PDE4D: variants seen among roughly 807,000 people sequenced by gnomAD.
The protein encoded by PDE4D is phosphodiesterase 4D, also known as 3',5'-cyclic-AMP phosphodiesterase 4D.
In PDE4D, 24 loss-of-function variants were observed where a neutral mutation model predicts 87.4. That is an observed-to-expected ratio of 0.27 (90% CI 0.20 to 0.39). PDE4D has a LOEUF of 0.39. Among genes scored for constraint, PDE4D ranks in the 10% least tolerant of loss-of-function variants. The pLI is 1.00. For synonymous variants in PDE4D, 384 were observed against 383.2 expected (o/e 1.00, Z -0.02); for missense variants, 714 against 1,041.0 (o/e 0.69, Z 4.32).
intron 3 of PDE4D, among the ~76,000 whole-genome samples, chr5:59,911,885 C>A (rs1277705974): frequency 6.6e-6 from 1 of 151,936 alleles, no homozygotes; most frequent in Non-Finnish European, 1.5e-5. Flanking sequence ...TTTCTATGAC[C>A]AAAACATAGG....
chr5:60,069,355 T>G (rs1364055807), intron 2 of PDE4D, among the ~76,000 whole-genome samples: 1 of 152,164 alleles, frequency 6.6e-6, no homozygotes, highest in Admixed American at 6.5e-5. Flanking sequence ...AGGCACTAAC[T>G]ATGAGGAAGC....
chr5:59,224,027 T>C (rs1753132708), intron 1 of PDE4D, among the ~76,000 whole-genome samples: 1 of 150,058 alleles, frequency 6.7e-6, no homozygotes, highest in South Asian at 2.1e-4. Context: ...GGCTCACACT[T>C]GTAATCCCAG....
At chr5:59,074,188 T>A (rs979636147) in intron 5 of PDE4D, among the ~76,000 whole-genome samples, 3 of 152,154 alleles carry the variant, frequency 2.0e-5, no homozygotes, top group African/African-American at 7.2e-5. Context: ...GGGGAATAAA[T>A]GATTAGTCAA....
chr5:59,001,368 G>C (rs187405098), intron 6 of PDE4D, among the ~76,000 whole-genome samples: 20 of 152,230 alleles, frequency 1.3e-4, no homozygotes, highest in Admixed American at 4.6e-4. Context: ...CTGTCTTAGA[G>C]AGCATGCTCT....
intron 2 of PDE4D, among the ~76,000 whole-genome samples, chr5:60,106,606 A>C: frequency 6.6e-6 from 1 of 150,620 alleles, no homozygotes; most frequent in East Asian, 2.0e-4. Context: ...ACATAGTTGG[A>C]AGTAAAGCTC....
rs544004336 is a variant in PDE4D at position 59,626,019 on chromosome 5, C to T, written c.455+267149G>A. On this transcript the variant is annotated intron_variant, in intron 1 of 14. Coordinates refer to ENST00000340635, the MANE Select transcript of PDE4D (RefSeq NM_001104631.2). ...AGGAGAATGGCATGAACCCAGGAGG[C>T]GGAGCTTGCAGTGAGCCCAGATTGT... is the stretch of plus-strand genomic sequence containing the variant. 9.2e-5 allele frequency among the ~76,000 whole-genome samples: 14 copies of T among 152,238 alleles called. No individual in the cohort carries two copies. The South Asian group carries it at 2.3e-3, about 25-fold the overall frequency.
intron 6 of PDE4D, among the ~76,000 whole-genome samples, chr5:59,025,492 G>T (rs939556333): frequency 6.6e-6 from 1 of 152,060 alleles, no homozygotes; most frequent in Non-Finnish European, 1.5e-5. Flanking sequence ...TTGTATTTTT[G>T]CATGGTTCTT....
intron 1 of PDE4D, among the ~76,000 whole-genome samples, chr5:60,215,326 T>C (rs1385261642): frequency 6.6e-6 from 1 of 152,146 alleles, no homozygotes; most frequent in African/African-American, 2.4e-5. Flanking sequence ...GAGCAGAGGT[T>C]AAGGCTACTT....
At chr5:59,440,241 G>A (rs1797397473) in intron 1 of PDE4D, among the ~76,000 whole-genome samples, 1 of 152,090 alleles carries the variant, frequency 6.6e-6, no homozygotes, top group Admixed American at 6.5e-5. Flanking sequence ...GAATGTAAAG[G>A]CAATAATGGA....
intron 1 of PDE4D, among the ~76,000 whole-genome samples, chr5:59,420,859 C>T (rs866913319): frequency 4.6e-5 from 7 of 152,082 alleles, no homozygotes; most frequent in African/African-American, 1.2e-4. Flanking sequence ...AATAACAGCA[C>T]AAACCAGAGC....
At chr5:59,234,990 C>T (rs1245007750) in intron 1 of PDE4D, among the ~76,000 whole-genome samples, 3 of 152,084 alleles carry the variant, frequency 2.0e-5, no homozygotes, top group African/African-American at 7.2e-5. Context: ...TGTTTCACCA[C>T]TCTTTTTCTT....
At chr5:59,085,846 G>A (rs11958928) in intron 5 of PDE4D, among the ~76,000 whole-genome samples, 99,611 of 151,986 alleles carry the variant, frequency 0.66, 32,837 homozygotes, top group East Asian at 0.8. Context: ...ATACTCGTCA[G>A]AAAAGCTCCC....
intron 1 of PDE4D, among the ~76,000 whole-genome samples, chr5:60,518,110 G>A (rs1005790699): frequency 6.6e-6 from 1 of 152,234 alleles, no homozygotes; most frequent in South Asian, 2.1e-4. Context: ...CTCACAGGGA[G>A]CTAGCACTTG....
Position 59,286,007 on chromosome 5 carries a change from T to C in PDE4D, c.456-70039A>G, listed in dbSNP as rs779231180. Among the ~76,000 whole-genome samples the C allele has an allele frequency of 5.9e-5, 9 of 152,222 alleles. No individual in the cohort carries two copies. The South Asian group carries it at 1.9e-3, about 32-fold the overall frequency. On this transcript the variant is annotated intron_variant, in intron 1 of 14. Transcript: ENST00000340635. ...ATATGTATCTCTGGCAGGATTATCC[T>C]TCCTTTCTTTTACCTCTCTTTTTGG... is the stretch of plus-strand genomic sequence containing the variant.
chr5:59,467,670 T>C (rs1425931044), intron 1 of PDE4D, among the ~76,000 whole-genome samples: 1 of 152,340 alleles, frequency 6.6e-6, no homozygotes, highest in East Asian at 1.9e-4. Context: ...AAAAGGACTA[T>C]GAATTTGGGC....
chr5:59,562,705 TAG>T (rs1438672360), intron 1 of PDE4D, among the ~76,000 whole-genome samples: 1 of 152,230 alleles, frequency 6.6e-6, no homozygotes, highest in Non-Finnish European at 1.5e-5. Flanking sequence ...AAAAATTCCT[TAG>T]AGTTTGTTTT....
chr5:59,805,401 A>G (rs540266619), intron 1 of PDE4D, among the ~76,000 whole-genome samples: 4 of 152,354 alleles, frequency 2.6e-5, no homozygotes, highest in African/African-American at 9.6e-5. Flanking sequence ...AGTGTAATCT[A>G]CAAAGTCCCC....
intron 1 of PDE4D, among the ~76,000 whole-genome samples, chr5:59,411,737 A>T: frequency 6.6e-6 from 1 of 152,202 alleles, no homozygotes; most frequent in Non-Finnish European, 1.5e-5. Flanking sequence ...CTCCATGGTT[A>T]CATTCTGAGG....
intron 1 of PDE4D, among the ~76,000 whole-genome samples, chr5:59,403,288 C>T (rs916269898): frequency 2.6e-5 from 4 of 152,016 alleles, no homozygotes; most frequent in African/African-American, 9.7e-5. Flanking sequence ...AACATTTACC[C>T]TTTAAGTTAC....
Sources: allele counts gnomAD v4.1 joint callset (sites outside exome capture counted in the v4.1 genomes callset), GRCh38; gene constraint gnomAD v4.1.1; transcripts MANE v1.5; gene names NCBI Gene and HGNC (gene_info 2026-07-23, HGNC 2026-07-21).